Variants in AGTPBP1 observed in about 807,000 individuals in gnomAD.
AGTPBP1 encodes cytosolic carboxypeptidase 1.
A neutral mutation model predicts 143.9 loss-of-function variants in AGTPBP1; 70 were observed. The ratio of observed to expected loss-of-function variants is 0.49; its 90% CI spans 0.40 to 0.59. The LOEUF is 0.59. AGTPBP1 is among the 20% of genes least tolerant of loss of function. AGTPBP1 has a pLI of 0.00. For missense variants in AGTPBP1, 1,229 were observed against 1,464.5 expected, an observed-to-expected ratio of 0.84 and a Z score of 2.62; for synonymous variants, 463 against 500.2, an observed-to-expected ratio of 0.93 and a Z score of 0.99.
chr9:85,700,180 G>A (rs1206289799), intron 2 of AGTPBP1, among the ~76,000 whole-genome samples: 2 of 152,140 alleles, frequency 1.3e-5, no homozygotes, highest in Non-Finnish European at 2.9e-5. Flanking sequence ...ATTCCTCTAA[G>A]GTCCACAGCT....
chr9:85,665,194 G>A (rs930548143), intron 8 of AGTPBP1, among the ~76,000 whole-genome samples: 1 of 152,158 alleles, frequency 6.6e-6, no homozygotes, highest in Admixed American at 6.6e-5. Context: ...TGGAGTAGGT[G>A]GGCCCTTAAT....
intron 19 of AGTPBP1, among the ~76,000 whole-genome samples, chr9:85,591,764 T>C (rs1828982739): frequency 1.3e-5 from 2 of 152,276 alleles, no homozygotes; most frequent in South Asian, 4.1e-4. Context: ...CTACAGACTA[T>C]GTTTTTCTTT....
chr9:85,658,998 T>C (rs952255745), intron 9 of AGTPBP1, among the ~76,000 whole-genome samples: 3 of 152,162 alleles, frequency 2.0e-5, no homozygotes, highest in Admixed American at 2.0e-4. Flanking sequence ...GTGATTTTGT[T>C]AAAAGCCATT....
chr9:85,739,917 C>A (rs1360674183), intron 1 of AGTPBP1, among the ~76,000 whole-genome samples: 1 of 151,342 alleles, frequency 6.6e-6, no homozygotes, highest in Non-Finnish European at 1.5e-5. Context: ...GCGGGAGAAT[C>A]GCTTGAACCC....
chr9:85,684,027 C>A (rs1383462218), intron 3 of AGTPBP1, among the ~76,000 whole-genome samples: 1 of 151,868 alleles, frequency 6.6e-6, no homozygotes. Flanking sequence ...AAAATAACAC[C>A]ACAATTTAAG....
At chr9:85,665,463 T>C (rs984715091) in intron 8 of AGTPBP1, among the ~76,000 whole-genome samples, 8 of 152,148 alleles carry the variant, frequency 5.3e-5, no homozygotes, top group Admixed American at 2.6e-4. Flanking sequence ...ACAATAAATT[T>C]CTGTTGTTTT....
chr9:85,567,115 G>T (rs1451420911), intron 25 of AGTPBP1, among the ~76,000 whole-genome samples: 5 of 152,162 alleles, frequency 3.3e-5, no homozygotes, highest in Non-Finnish European at 7.3e-5. Flanking sequence ...AGGTTACGGG[G>T]AGAGGCTTGA....
intron 24 of AGTPBP1, among the ~76,000 whole-genome samples, chr9:85,576,045 G>A (rs997360893): frequency 3.0e-4 from 46 of 152,112 alleles, no homozygotes; most frequent in Non-Finnish European, 2.9e-4. Flanking sequence ...AATTCAGAAT[G>A]CTCATTTCAA....
the AGTPBP1 span, among the ~76,000 whole-genome samples, chr9:85,771,901 C>T: frequency 1.3e-5 from 2 of 151,950 alleles, no homozygotes; most frequent in Admixed American, 1.3e-4. Flanking sequence ...CCTCATGATC[C>T]GCCCGCCTCG....
At chr9:85,602,757 T>G (rs1277166060) in intron 17 of AGTPBP1, among the ~76,000 whole-genome samples, 1 of 152,146 alleles carries the variant, frequency 6.6e-6, no homozygotes, top group Admixed American at 6.5e-5. Context: ...GGAAATGCAC[T>G]GAAGAGGGTA....
chr9:85,797,487 T>G, the AGTPBP1 span, among the ~76,000 whole-genome samples: 1 of 152,152 alleles, frequency 6.6e-6, no homozygotes, highest in African/African-American at 2.4e-5. Context: ...GTTCAAAAGG[T>G]TCAGACATAT....
the AGTPBP1 span, among the ~76,000 whole-genome samples, chr9:85,800,377 T>C: frequency 7.2e-5 from 11 of 152,296 alleles, no homozygotes; most frequent in Non-Finnish European, 1.3e-4. Context: ...TGCTGTGACA[T>C]GGATAGGCTC....
intron 9 of AGTPBP1, among the ~76,000 whole-genome samples, chr9:85,657,868 A>G (rs1018667272): frequency 2.6e-5 from 4 of 152,192 alleles, no homozygotes; most frequent in Non-Finnish European, 5.9e-5. Context: ...ATGTTTCACG[A>G]TTTATAAATA....
At chr9:85,717,692 T>A (rs866473223) in intron 1 of AGTPBP1, among the ~76,000 whole-genome samples, 20 of 151,120 alleles carry the variant, frequency 1.3e-4, no homozygotes, top group Admixed American at 2.6e-4. Context: ...TTTTTTTTTT[T>A]AATATACTTT....
chr9:85,773,279 A>G, the AGTPBP1 span, among the ~76,000 whole-genome samples: 3 of 148,254 alleles, frequency 2.0e-5, no homozygotes, highest in South Asian at 2.1e-4. Flanking sequence ...AAAAAAAAAA[A>G]AAAAAAAGAA....
intron 6 of AGTPBP1, among the ~76,000 whole-genome samples, chr9:85,673,342 T>G (rs1352574016): frequency 6.6e-6 from 1 of 151,924 alleles, no homozygotes; most frequent in Non-Finnish European, 1.5e-5. Context: ...TCAACACACT[T>G]CCCAGAACAC....
At chr9:85,702,831 G>C (rs1836757388) in intron 2 of AGTPBP1, among the ~76,000 whole-genome samples, 1 of 152,002 alleles carries the variant, frequency 6.6e-6, no homozygotes, top group Non-Finnish European at 1.5e-5. Context: ...CTGCCACAGA[G>C]ACAAACTACT....
intron 17 of AGTPBP1, among the ~76,000 whole-genome samples, chr9:85,608,207 T>G (rs1353192579): frequency 2.0e-5 from 3 of 151,996 alleles, no homozygotes; most frequent in African/African-American, 7.2e-5. Context: ...TAAAAAATAT[T>G]TAATGAGAAA....
intron 9 of AGTPBP1, among the ~76,000 whole-genome samples, chr9:85,658,498 C>T (rs1255064187): frequency 6.6e-6 from 1 of 152,080 alleles, no homozygotes; most frequent in Non-Finnish European, 1.5e-5. Flanking sequence ...CCCAATGCTG[C>T]TCTGGTGGGT....
Sources: allele counts gnomAD v4.1 joint callset (sites outside exome capture counted in the v4.1 genomes callset), GRCh38; gene constraint gnomAD v4.1.1; transcripts MANE v1.5; gene names NCBI Gene and HGNC (gene_info 2026-07-23, HGNC 2026-07-21).